Variants in SMIM41 observed in about 807,000 individuals in gnomAD.
SMIM41 encodes small integral membrane protein 41.
intron 2 of SMIM41, among the ~76,000 whole-genome samples, chr12:52,084,384 AC>A (rs1271895176): frequency 2.9e-4 from 6 of 20,460 alleles, no homozygotes; most frequent in African/African-American, 1.3e-3. Context: ...AAAAAAAAAA[AC>A]AAACAAAAAA....
At chr12:52,089,283 G>A (rs1939943633) in intron 2 of SMIM41, among the ~76,000 whole-genome samples, 2 of 152,024 alleles carry the variant, frequency 1.3e-5, no homozygotes, top group African/African-American at 4.8e-5. Flanking sequence ...GGTGCTGGCA[G>A]GGCCATGCTC....
chr12:52,099,384 C>A (rs1378832285), intron 2 of SMIM41, among the ~76,000 whole-genome samples: 1 of 151,848 alleles, frequency 6.6e-6, no homozygotes, highest in Non-Finnish European at 1.5e-5. Flanking sequence ...CATCCTCTCT[C>A]CCCCTGGATA....
At chr12:52,104,777 TCTAAA>T (rs1335946648) in intron 2 of SMIM41, among the ~76,000 whole-genome samples, 1 of 152,090 alleles carries the variant, frequency 6.6e-6, no homozygotes, top group African/African-American at 2.4e-5. Context: ...AATGAGTCCC[TCTAAA>T]CTATTCTCTA....
intron 2 of SMIM41, chr12:52,092,689 G>T (rs1940024938): frequency 6.6e-6 from 1 of 152,092 alleles, no homozygotes; most frequent in Non-Finnish European, 1.5e-5. Flanking sequence ...CTTCCCTTTG[G>T]AAGAGTAGAA....
intron 2 of SMIM41, among the ~76,000 whole-genome samples, chr12:52,088,075 G>T (rs1255259874): frequency 6.6e-6 from 1 of 152,214 alleles, no homozygotes; most frequent in African/African-American, 2.4e-5. Context: ...TTATTGAGCA[G>T]CTACTGTCCC....
chr12:52,095,434 C>T (rs530001258), intron 2 of SMIM41, among the ~76,000 whole-genome samples: 1 of 152,186 alleles, frequency 6.6e-6, no homozygotes, highest in Non-Finnish European at 1.5e-5. Flanking sequence ...GTCTTCTCCG[C>T]CTCTGGAAAT....
At chr12:52,083,460 G>C (rs922585565) in intron 1 of SMIM41, among the ~76,000 whole-genome samples, 6 of 152,158 alleles carry the variant, frequency 3.9e-5, no homozygotes, top group Non-Finnish European at 7.3e-5. Context: ...AGCAGATATA[G>C]CAACCCCAGC....
intron 2 of SMIM41, among the ~76,000 whole-genome samples, chr12:52,106,883 A>G (rs1592334206): frequency 6.6e-6 from 1 of 152,264 alleles, no homozygotes; most frequent in East Asian, 1.9e-4. Context: ...TACAGTGTTT[A>G]TAAATGTTCT....
At chr12:52,105,646 A>C (rs941448540) in intron 2 of SMIM41, among the ~76,000 whole-genome samples, 1 of 152,114 alleles carries the variant, frequency 6.6e-6, no homozygotes, top group African/African-American at 2.4e-5. Flanking sequence ...TCAGCTGCTC[A>C]GCAGGCTGAG....
chr12:52,088,975 T>G (rs1592323515), intron 2 of SMIM41, among the ~76,000 whole-genome samples: 1 of 151,082 alleles, frequency 6.6e-6, no homozygotes, highest in Admixed American at 6.6e-5. Flanking sequence ...CGTGGAGGAG[T>G]GCTAGGCTCC....
chr12:52,080,518 G>GGCCTC (rs1282332287), intron 1 of SMIM41, among the ~76,000 whole-genome samples: 1 of 152,212 alleles, frequency 6.6e-6, no homozygotes, highest in African/African-American at 2.4e-5. Context: ...GAGGATGACA[G>GGCCTC]AGGAGAGAGT....
intron 1 of SMIM41, among the ~76,000 whole-genome samples, chr12:52,083,080 C>A (rs558615625): frequency 6.6e-6 from 1 of 152,272 alleles, no homozygotes; most frequent in South Asian, 2.1e-4. Flanking sequence ...CCTGGGAGAC[C>A]TGCACTCCCA....
chr12:52,104,677 G>GC (rs1940294459), intron 2 of SMIM41, among the ~76,000 whole-genome samples: 1 of 151,942 alleles, frequency 6.6e-6, no homozygotes, highest in African/African-American at 2.4e-5. Context: ...TATGGTCGGG[G>GC]GGGGGCGGTC....
At chr12:52,083,218 T>C (rs1274253507) in intron 1 of SMIM41, among the ~76,000 whole-genome samples, 2 of 152,138 alleles carry the variant, frequency 1.3e-5, no homozygotes, top group Non-Finnish European at 2.9e-5. Context: ...GCGCCTGTAC[T>C]GTCTGGTGTG....
chr12:52,088,669 C>A lies in SMIM41; in HGVS notation c.*195+4701C>A, dbSNP rs558467189. The stretch of plus-strand genomic sequence containing the variant: ...CCGCCACCTCGCCTTGCACCTGGTC[C>A]CTGTGTCCCTTGGGGCTTCTCAGCC... On this transcript the variant is annotated intron_variant, in intron 2 of 2. Transcript: ENST00000546390. Among the ~76,000 whole-genome samples the A allele has an allele frequency of 2.6e-4, 39 of 152,318 alleles. No homozygotes were observed. The East Asian group carries it at 7.1e-3, about 28-fold the overall frequency.
intron 2 of SMIM41, among the ~76,000 whole-genome samples, chr12:52,103,171 C>T (rs919132437): frequency 6.6e-6 from 1 of 151,666 alleles, no homozygotes; most frequent in Non-Finnish European, 1.5e-5. Flanking sequence ...ACTGAAAACG[C>T]AAAAAATTAG....
At chr12:52,101,498 G>T (rs1592330534) in intron 2 of SMIM41, among the ~76,000 whole-genome samples, 1 of 152,172 alleles carries the variant, frequency 6.6e-6, no homozygotes, top group African/African-American at 2.4e-5. Flanking sequence ...GAAGAAAAGG[G>T]GTGGGATGGG....
intron 2 of SMIM41, among the ~76,000 whole-genome samples, chr12:52,089,721 C>T (rs1018497016): frequency 3.3e-5 from 5 of 152,254 alleles, no homozygotes; most frequent in African/African-American, 1.2e-4. Flanking sequence ...TGTCCCTTGG[C>T]TTGCAGCTGC....
chr12:52,092,291 T>C (rs1222612538), intron 2 of SMIM41: 1 of 152,254 alleles, frequency 6.6e-6, no homozygotes, highest in Non-Finnish European at 1.5e-5. Context: ...CAATATTTCA[T>C]CCTTTGTCAT....
Sources: gnomAD v4.1 joint callset for allele counts (sites outside exome capture counted in the v4.1 genomes callset) on GRCh38, gnomAD v4.1.1 for gene constraint, MANE v1.5 for transcripts, NCBI Gene and HGNC (gene_info 2026-07-23, HGNC 2026-07-21) for gene names.